The following YBEY variants were observed in gnomAD, a reference collection of about 807,000 sequenced individuals.
YBEY encodes endoribonuclease YbeY.
In YBEY, 15 loss-of-function variants were observed where a neutral mutation model predicts 13.5. That is an observed-to-expected ratio of 1.11 (90% CI 0.75 to 1.72). YBEY has a LOEUF of 1.72. Among genes scored for constraint, YBEY ranks in the 40% most tolerant of loss-of-function variants. The pLI, the probability that YBEY is intolerant of heterozygous loss-of-function variation, is 0.00. For missense variants in YBEY, 244 were observed against 208.4 expected, an observed-to-expected ratio of 1.17 and a Z score of -1.05; for synonymous variants, 101 against 83.1, an observed-to-expected ratio of 1.21 and a Z score of -1.17.
chr21:46,308,342 T>G, the YBEY span, among the ~76,000 whole-genome samples: 1 of 151,298 alleles, frequency 6.6e-6, no homozygotes, highest in African/African-American at 2.4e-5. Flanking sequence ...ATGCCTGTAA[T>G]CCCAGCTGCT....
intron 3 of YBEY, among the ~76,000 whole-genome samples, chr21:46,292,977 CGGGA>C (rs2145806492): frequency 3.2e-5 from 1 of 31,486 alleles, no homozygotes; most frequent in African/African-American, 1.4e-4. Flanking sequence ...GACCCGTGCC[CGGGA>C]CTCAGTGGGG....
Position 46,286,852 on chromosome 21 carries a change from CTTA to C in YBEY, c.-44-17_-44-15del. ...TATCACTTGTACTGATTGGTCTTCT[CTTA>C]CACTTTAACCCCAGGTTCCGTTGCA... is the stretch of plus-strand genomic sequence containing the variant. On this transcript the variant is annotated splice_polypyrimidine_tract_variant and intron_variant, in intron 1 of 4. Coordinates refer to ENST00000397701, the MANE Select transcript of YBEY (RefSeq NM_001314025.2). The C allele has an allele frequency of 1.3e-5, 20 of 1,533,174 alleles. No individual in the cohort carries two copies. The highest frequency in any genetic ancestry group is 1.7e-5 in the Non-Finnish European group (19 of 1,112,182). 95.0% of individuals were successfully genotyped at this position (1,533,174 alleles called of 1,614,324 possible). A position where few individuals can be genotyped will look rare whatever the true frequency, so the allele number is the denominator to read the frequency against.
chr21:46,309,307 C>T, the YBEY span, among the ~76,000 whole-genome samples: 1 of 151,686 alleles, frequency 6.6e-6, no homozygotes, highest in Non-Finnish European at 1.5e-5. Flanking sequence ...CTAAAAACCA[C>T]AAAAATTAGC....
chr21:46,306,024 CAGG>C, the YBEY span, among the ~76,000 whole-genome samples: 2 of 142,022 alleles, frequency 1.4e-5, no homozygotes, highest in African/African-American at 2.6e-5. Context: ...CGCTTGAGGC[CAGG>C]AGTTTTGGAC....
chr21:46,313,107 C>T, the YBEY span: 1 of 967,302 alleles, frequency 1.0e-6, no homozygotes. Context: ...TCGTAAACAG[C>T]TTCCAAAGCA....
intron 2 of YBEY, 38 bp from the exon 3 acceptor site, chr21:46,291,296 T>C: frequency 6.2e-7 from 1 of 1,612,540 alleles, no homozygotes; most frequent in South Asian, 1.1e-5. Flanking sequence ...TTGGGTTACG[T>C]TTCCTGTTCT....
At chr21:46,286,753 C>CTT in intron 1 of YBEY, 117 bp from the exon 2 acceptor site, 1 of 664,298 alleles carries the variant, frequency 1.5e-6, no homozygotes, top group Non-Finnish European at 2.5e-6. Context: ...TGTAAATTCC[C>CTT]TTAAGATTTT....
chr21:46,303,728 TATATATATATATATATA>T, the YBEY span, among the ~76,000 whole-genome samples: 73 of 26,794 alleles, frequency 2.7e-3, no homozygotes, highest in African/African-American at 0.012. Context: ...TATATATATA[TATATATATATATATATA>T]TTTTTTTTTT....
At position 46,297,691 on chromosome 21, in the gene YBEY, G is replaced by A. The variant is rs2081999435; in HGVS notation, c.*57G>A. 1.1e-5 allele frequency: 14 copies of A among 1,271,582 alleles called. No individual in the cohort carries two copies. The highest frequency in any genetic ancestry group is 1.4e-5 in the Non-Finnish European group (14 of 998,396). 78.8% of individuals were successfully genotyped at this position (1,271,582 alleles called of 1,614,324 possible). A position where few individuals can be genotyped will look rare whatever the true frequency, so the allele number is the denominator to read the frequency against. ...GAGGGGTGGAGGCTGCGGGGAGCCG[G>A]GGTCGCACACGAATAAATAACGAAT... is the stretch of plus-strand genomic sequence containing the variant. On this transcript the variant is annotated 3_prime_UTR_variant, in exon 5 of 5. Coordinates refer to ENST00000397701, the MANE Select transcript of YBEY (RefSeq NM_001314025.2).
chr21:46,294,928 TG>T (rs1465972231), intron 3 of YBEY, among the ~76,000 whole-genome samples: 2 of 152,124 alleles, frequency 1.3e-5, no homozygotes, highest in Non-Finnish European at 2.9e-5. Context: ...TGTGAAAGGA[TG>T]GGACGGCCAC....
chr21:46,299,870 G>A (rs906871321), downstream of YBEY, among the ~76,000 whole-genome samples: 2 of 152,082 alleles, frequency 1.3e-5, no homozygotes, highest in Non-Finnish European at 2.9e-5. Context: ...TTCAGGGCCT[G>A]CTCTGAGCTC....
At chr21:46,300,542 C>T (rs2082076937), downstream of YBEY, 1 of 691,506 alleles carries the variant, frequency 1.4e-6, no homozygotes, top group Admixed American at 4.6e-5. Context: ...AGCACAGAGT[C>T]TCTGGAATCA....
chr21:46,300,673 G>C (rs1327647920), downstream of YBEY: 2 of 1,275,298 alleles, frequency 1.6e-6, no homozygotes, highest in Non-Finnish European at 2.0e-6. Flanking sequence ...TGTCCCTGGG[G>C]AGCTCTGCAG....
chr21:46,302,517 AGTTCTGC>A, downstream of YBEY: 4 of 1,612,452 alleles, frequency 2.5e-6, no homozygotes, highest in Non-Finnish European at 3.4e-6. Context: ...TTGAGCATCC[AGTTCTGC>A]AGGACCAACT....
At chr21:46,296,018 C>T in intron 3 of YBEY, 144 bp from the exon 4 acceptor site, 3 of 709,942 alleles carry the variant, frequency 4.2e-6, no homozygotes, top group Admixed American at 2.5e-5. Flanking sequence ...AAGCTGAGTG[C>T]CTGTAATTCC....
Position 46,288,904 on chromosome 21 carries a change from G to A in YBEY, c.210+1781G>A, listed in dbSNP as rs117344993. 2.3e-4 allele frequency among the ~76,000 whole-genome samples: 35 copies of A among 151,706 alleles called. 1 individual carries two copies. The East Asian group carries it at 6.8e-3, about 30-fold the overall frequency. ...GGGCATGGTGGTGTGCAGAGCTGTC[G>A]TCCCAGCTACTCAGGAGGCTAAGGT... is the stretch of plus-strand genomic sequence containing the variant. On this transcript the variant is annotated intron_variant, in intron 2 of 4. Coordinates refer to ENST00000397701, the MANE Select transcript of YBEY (RefSeq NM_001314025.2).
At chr21:46,311,671 C>G in the YBEY span, 2 of 560,846 alleles carry the variant, frequency 3.6e-6, no homozygotes, top group African/African-American at 3.8e-5. Context: ...AACCAACCAA[C>G]CAACCATCCA....
At chr21:46,309,657 C>A in the YBEY span, among the ~76,000 whole-genome samples, 3 of 151,720 alleles carry the variant, frequency 2.0e-5, no homozygotes, top group Admixed American at 2.0e-4. Flanking sequence ...TGAGAGAAGC[C>A]ATACAAAAAA....
At position 46,297,610 on chromosome 21, in the gene YBEY, C is replaced by T; in HGVS notation, c.480C>T (p.Thr160=). 1 of 1,364,836 alleles carries T rather than the reference C, an allele frequency of 7.3e-7. No homozygotes were observed. The highest frequency in any genetic ancestry group is 9.6e-7 in the Non-Finnish European group (1 of 1,044,384). 84.5% of individuals were successfully genotyped at this position (1,364,836 alleles called of 1,614,324 possible). A position where few individuals can be genotyped will look rare whatever the true frequency, so the allele number is the denominator to read the frequency against. ...RRTGTRLQPL[T]RGLFGGS ...CGGGGACCCGGCTGCAGCCCCTGAC[C>T]CGGGGCCTCTTCGGAGGGAGCTGAG... Residue 160 remains threonine, a synonymous_variant, in exon 5 of 5, where the codon ACC becomes ACT. Transcript: ENST00000397701.
Sources: gnomAD v4.1 joint callset for allele counts (sites outside exome capture counted in the v4.1 genomes callset) on GRCh38, gnomAD v4.1.1 for gene constraint, MANE v1.5 for transcripts, NCBI Gene and HGNC (gene_info 2026-07-23, HGNC 2026-07-21) for gene names.